The following ABHD2 variants were observed in gnomAD, a reference collection of about 807,000 sequenced individuals.
ABHD2 encodes the protein monoacylglycerol lipase ABHD2.
ABHD2 carries 20 observed loss-of-function variants against 48.1 expected under a neutral mutation model. The ratio of observed to expected loss-of-function variants is 0.42; its 90% CI spans 0.29 to 0.60. The LOEUF (loss-of-function observed/expected upper bound fraction) is 0.60. ABHD2 is among the 20% of genes least tolerant of loss of function. ABHD2 has a pLI of 0.24. For synonymous variants in ABHD2, 209 were observed against 214.2 expected (o/e 0.98, Z 0.21); for missense variants, 405 against 550.9 (o/e 0.74, Z 2.65).
chr15:89,131,713 G>A (rs2050222447), intron 3 of ABHD2, among the ~76,000 whole-genome samples: 1 of 152,146 alleles, frequency 6.6e-6, no homozygotes, highest in Admixed American at 6.5e-5. Context: ...ACTTCTTTGT[G>A]GCTAATATTT....
At chr15:89,064,770 A>T in the ABHD2 span, among the ~76,000 whole-genome samples, 1 of 152,192 alleles carries the variant, frequency 6.6e-6, no homozygotes, top group Non-Finnish European at 1.5e-5. Context: ...TTCAGTGATG[A>T]ACAATCTTTC....
At chr15:89,041,788 C>T in the ABHD2 span, among the ~76,000 whole-genome samples, 2 of 152,200 alleles carry the variant, frequency 1.3e-5, no homozygotes, top group Non-Finnish European at 2.9e-5. Context: ...GCAGGGCCCA[C>T]GGCACCCAGA....
the ABHD2 span, among the ~76,000 whole-genome samples, chr15:89,043,672 A>G: frequency 9.1e-6 from 1 of 109,536 alleles, no homozygotes; most frequent in Non-Finnish European, 1.8e-5. Flanking sequence ...GAGAGGGAGG[A>G]GGAGAAGGAG....
the ABHD2 span, among the ~76,000 whole-genome samples, chr15:89,055,998 G>C: frequency 5.9e-5 from 9 of 152,198 alleles, no homozygotes; most frequent in Middle Eastern, 6.8e-3. Context: ...TGAGTAGCTG[G>C]AGTCACCATG....
Position 89,114,517 on chromosome 15 carries a change from C to A in ABHD2, c.-7+693C>A, listed in dbSNP as rs2049925680. Among the ~76,000 whole-genome samples, 1 of 152,120 alleles carries A rather than the reference C, an allele frequency of 6.6e-6. No homozygotes were observed. Among genetic ancestry groups the A allele is most frequent in the Non-Finnish European group, 1.5e-5 (1 of 68,026 alleles). On this transcript the variant is annotated intron_variant, in intron 2 of 10. Coordinates refer to ENST00000352732, the MANE Select transcript of ABHD2 (RefSeq NM_152924.5). This position sits in a 1 kb window ranked among gnomAD's most constrained non-coding sequence, Gnocchi z 4.2. ...TGTTTTTTTGAGACGGCGTTTCGCT[C>A]TTGTCCCCAGGCTGGAGTGCAGTGG... is the stretch of plus-strand genomic sequence containing the variant.
At chr15:89,041,211 C>G in the ABHD2 span, 3 of 152,254 alleles carry the variant, frequency 2.0e-5, no homozygotes, top group Non-Finnish European at 4.4e-5. Context: ...ATCCTGCAGC[C>G]TCGGTGGAGC....
At position 89,168,386 on chromosome 15, in the gene ABHD2, A is replaced by G. The variant is rs964952182; in HGVS notation, c.539-7426A>G. ...TAGAGCCTCATTTAAAAACAGATTA[A>G]TGTAGCTGTTAGTAATAACAGGCCA... is the stretch of plus-strand genomic sequence containing the variant. On this transcript the variant is annotated intron_variant, in intron 5 of 10. Transcript: ENST00000352732. This position sits in a 1 kb window ranked among gnomAD's most constrained non-coding sequence, Gnocchi z 4.8. Among the ~76,000 whole-genome samples, 4 of 152,208 alleles carry G rather than the reference A, an allele frequency of 2.6e-5. No homozygotes were observed. The highest frequency in any genetic ancestry group is 2.0e-4 in the Admixed American group (3 of 15,280).
At chr15:89,056,447 C>T in the ABHD2 span, among the ~76,000 whole-genome samples, 1 of 152,024 alleles carries the variant, frequency 6.6e-6, no homozygotes, top group African/African-American at 2.4e-5. Context: ...TCGAGACCAT[C>T]CTGGCTAACA....
the ABHD2 span, among the ~76,000 whole-genome samples, chr15:89,081,560 T>C: frequency 6.6e-6 from 1 of 152,168 alleles, no homozygotes; most frequent in African/African-American, 2.4e-5. Flanking sequence ...AAATTTAAAA[T>C]GTCATATTTA....
intron 6 of ABHD2, among the ~76,000 whole-genome samples, chr15:89,180,891 A>C (rs978704665): frequency 6.6e-6 from 1 of 152,226 alleles, no homozygotes; most frequent in African/African-American, 2.4e-5. Context: ...TTTTATTTTA[A>C]AAAATCAAGA....
At chr15:89,121,949 C>A (rs181345388) in intron 3 of ABHD2, among the ~76,000 whole-genome samples, 9 of 152,344 alleles carry the variant, frequency 5.9e-5, no homozygotes, top group Admixed American at 5.9e-4. Context: ...CTGCCTGTCT[C>A]CCAAGTAGCT....
chr15:89,063,526 T>A, the ABHD2 span, among the ~76,000 whole-genome samples: 1,407 of 151,768 alleles, frequency 9.3e-3, 14 homozygotes, highest in African/African-American at 0.032. Flanking sequence ...TCTCTCTCTC[T>A]CACACATGCA....
At chr15:89,095,197 T>C (rs1261397875) in intron 1 of ABHD2, among the ~76,000 whole-genome samples, 1 of 152,182 alleles carries the variant, frequency 6.6e-6, no homozygotes, top group Non-Finnish European at 1.5e-5. Flanking sequence ...CATTGAATTA[T>C]GCTGTTTGGG....
intron 1 of ABHD2, chr15:89,090,490 A>T (rs879345519): frequency 1.7e-5 from 1 of 57,844 alleles, no homozygotes; most frequent in East Asian, 7.0e-4. Flanking sequence ...CCTTCCCCCC[A>T]CCCCCAAATT....
chr15:89,129,583 A>C lies in ABHD2; in HGVS notation c.194+13062A>C, dbSNP rs549706208. Among the ~76,000 whole-genome samples the C allele has an allele frequency of 9.5e-4, 144 of 152,248 alleles. 2 individuals are homozygous for C. Among genetic ancestry groups the C allele is most frequent in the African/African-American group, 3.5e-3 (144 of 41,536 alleles). ...TGAAGGTTTTTCCCCTAAGATTGAG[A>C]GGGTAAATCCAGGGGCCCAAGTGAG... is the stretch of plus-strand genomic sequence containing the variant. On this transcript the variant is annotated intron_variant, in intron 3 of 10. Coordinates refer to ENST00000352732, the MANE Select transcript of ABHD2 (RefSeq NM_152924.5).
In ABHD2 at chr15:89,098,737, A is replaced by G. The variant is rs149280416; in HGVS notation, c.-107+10174A>G. Among the ~76,000 whole-genome samples the G allele has an allele frequency of 7.0e-4, 106 of 152,308 alleles. 1 individual carries two copies. The highest frequency in any genetic ancestry group is 1.2e-3 in the Non-Finnish European group (84 of 68,024). On this transcript the variant is annotated intron_variant, in intron 1 of 10. Coordinates refer to ENST00000352732, the MANE Select transcript of ABHD2 (RefSeq NM_152924.5). The stretch of plus-strand genomic sequence containing the variant: ...GGATATTTTTCCCAATTTAGAAAAC[A>G]TAGTTCCTTTCCCTCCATCTATCAT...
chr15:89,067,103 C>T, the ABHD2 span, among the ~76,000 whole-genome samples: 4 of 151,402 alleles, frequency 2.6e-5, no homozygotes, highest in South Asian at 2.1e-4. Flanking sequence ...ATGGGGGCTA[C>T]GAAGTCCAGT....
chr15:89,170,945 G>A (rs991018642), intron 5 of ABHD2, among the ~76,000 whole-genome samples: 1 of 151,916 alleles, frequency 6.6e-6, no homozygotes. Flanking sequence ...GTGAAGCCCC[G>A]CCTCTACTAA....
At position 89,174,565 on chromosome 15, in the gene ABHD2, T is replaced by G. The variant is rs538459479; in HGVS notation, c.539-1247T>G. On this transcript the variant is annotated intron_variant, in intron 5 of 10. Transcript: ENST00000352732. This position sits in a 1 kb window ranked among gnomAD's most constrained non-coding sequence, Gnocchi z 4.1. ...AGTTTACCCCAGGCTCAAAAGATAC[T>G]TTCCCCCATGGCTTGATGATTAGGG... 3.9e-5 allele frequency among the ~76,000 whole-genome samples: 6 copies of G among 152,316 alleles called. No individual in the cohort carries two copies. The South Asian group carries it at 6.2e-4, about 16-fold the overall frequency.
Sources: allele counts gnomAD v4.1 joint callset (sites outside exome capture counted in the v4.1 genomes callset), GRCh38; gene constraint gnomAD v4.1.1; non-coding constraint Gnocchi (gnomAD v3.1); transcripts MANE v1.5; gene names NCBI Gene and HGNC (gene_info 2026-07-23, HGNC 2026-07-21).